DOCK2: variants seen among roughly 807,000 people sequenced by gnomAD.
The protein encoded by DOCK2 is dedicator of cytokinesis protein 2.
DOCK2 carries 87 observed loss-of-function variants against 248.9 expected under a neutral mutation model. That is an observed-to-expected ratio of 0.35 (90% CI 0.29 to 0.42). DOCK2 has a LOEUF of 0.42. Among genes scored for constraint, DOCK2 ranks in the 10% least tolerant of loss-of-function variants. The pLI is 1.00. For missense variants in DOCK2, 1,747 were observed against 2,300.2 expected (o/e 0.76, Z 4.92); for synonymous variants, 805 against 821.6 (o/e 0.98, Z 0.35).
intron 50 of DOCK2, 124 bp from the exon 51 acceptor site, chr5:170,081,718 G>A: frequency 1.8e-6 from 2 of 1,118,224 alleles, no homozygotes; most frequent in Non-Finnish European, 2.5e-6. Flanking sequence ...CTCCTGCTTG[G>A]CACATACAAT....
intron 36 of DOCK2, among the ~76,000 whole-genome samples, chr5:170,036,992 A>G (rs1317079409): frequency 2.0e-5 from 3 of 152,190 alleles, no homozygotes; most frequent in Admixed American, 6.5e-5. Context: ...CATTTAAATG[A>G]TATTATTTGA....
At chr5:169,934,569 C>G in intron 27 of DOCK2, 1 of 451,498 alleles carries the variant, frequency 2.2e-6, no homozygotes, top group Non-Finnish European at 4.5e-6. Flanking sequence ...ACACCTGGAT[C>G]TAAATCCTGC....
At position 169,929,895 on chromosome 5, in the gene DOCK2, C is replaced by T. The variant is rs539608868; in HGVS notation, c.2800-53173C>T. Reference sequence around the variant, plus strand: ...GTGCTCCAATATGGTAGCCACTAGCCACACATGCCTGTTAAACATATGCAT... The same window carrying T: ...GTGCTCCAATATGGTAGCCACTAGCTACACATGCCTGTTAAACATATGCAT... On this transcript the variant is annotated intron_variant, in intron 27 of 51. Coordinates refer to ENST00000520908, the MANE Select transcript of DOCK2 (RefSeq NM_004946.3). 2.0e-5 allele frequency among the ~76,000 whole-genome samples: 3 copies of T among 152,268 alleles called. No individual in the cohort carries two copies. The South Asian group carries it at 6.2e-4, about 32-fold the overall frequency.
intron 33 of DOCK2, among the ~76,000 whole-genome samples, chr5:170,023,643 G>T (rs918629074): frequency 6.6e-6 from 1 of 152,092 alleles, no homozygotes; most frequent in Non-Finnish European, 1.5e-5. Flanking sequence ...AGAAAGCCGC[G>T]CTGACTTCCA....
At chr5:169,690,343 G>T (rs1760221924) in intron 9 of DOCK2, among the ~76,000 whole-genome samples, 1 of 152,096 alleles carries the variant, frequency 6.6e-6, no homozygotes. Context: ...GGAGGGATTT[G>T]GGCATTGACC....
intron 33 of DOCK2, among the ~76,000 whole-genome samples, chr5:170,019,344 T>C (rs1375091193): frequency 6.6e-6 from 1 of 152,210 alleles, no homozygotes; most frequent in Non-Finnish European, 1.5e-5. Flanking sequence ...TTGCTTAGCC[T>C]CTTTCTCAAG....
chr5:169,851,846 C>G (rs1770631077), intron 27 of DOCK2, among the ~76,000 whole-genome samples: 1 of 152,148 alleles, frequency 6.6e-6, no homozygotes, highest in African/African-American at 2.4e-5. Context: ...AGCATGAGAA[C>G]AGCCTGGGGA....
At chr5:169,817,357 AG>A (rs1768128601) in intron 26 of DOCK2, among the ~76,000 whole-genome samples, 1 of 152,224 alleles carries the variant, frequency 6.6e-6, no homozygotes. Flanking sequence ...TCTATCCAAC[AG>A]CTCACTAAAC....
rs189428395 is a variant in DOCK2 at position 169,927,073 on chromosome 5, A to G, written c.2800-55995A>G. The stretch of plus-strand genomic sequence containing the variant: ...GCCAGACCAATATGGTATATTCTTC[A>G]TAAATATGCTACATGAAGAGTGGGA... On this transcript the variant is annotated intron_variant, in intron 27 of 51. Coordinates refer to ENST00000520908, the MANE Select transcript of DOCK2 (RefSeq NM_004946.3). Among the ~76,000 whole-genome samples the G allele has an allele frequency of 3.4e-3, 511 of 152,364 alleles. 1 individual carries two copies. Among genetic ancestry groups the G allele is most frequent in the Middle Eastern group, 0.01 (3 of 294 alleles).
At chr5:169,993,364 C>T (rs1778258028) in intron 29 of DOCK2, among the ~76,000 whole-genome samples, 1 of 152,198 alleles carries the variant, frequency 6.6e-6, no homozygotes, top group Admixed American at 6.5e-5. Flanking sequence ...GCCCTGTTGT[C>T]TGGCTCTTGC....
Position 169,714,084 on chromosome 5 carries a change from A to T in DOCK2, c.1716A>T (p.Arg572=), listed in dbSNP as rs760775098. Residue 572 remains arginine (R), a synonymous_variant, in exon 18 of 52, where the codon CGA becomes CGT. Transcript: ENST00000520908. ...CATACCTGACCCTTCCTTCTTATCG[A>T]CACCATGTGGAAAACAAGGGGGCCA... is the stretch of plus-strand genomic sequence containing the variant. ...ASAYLTLPSY[R]HHVENKGATL... 8 of 1,613,568 alleles carry T rather than the reference A, an allele frequency of 5.0e-6. No homozygotes were observed. In the South Asian group the frequency reaches 8.8e-5, roughly 18 times the overall value.
chr5:169,698,564 C>T (rs910644335), intron 11 of DOCK2, 115 bp downstream of exon 11: 54 of 1,111,030 alleles, frequency 4.9e-5, no homozygotes, highest in Non-Finnish European at 4.9e-5. Flanking sequence ...GTGGAGCCTC[C>T]CAAGGGAAGC....
chr5:169,910,879 A>AG (rs1330893436), intron 27 of DOCK2, among the ~76,000 whole-genome samples: 1 of 152,182 alleles, frequency 6.6e-6, no homozygotes, highest in African/African-American at 2.4e-5. Flanking sequence ...TTTCTCCTGC[A>AG]GGGGGTTGGT....
chr5:169,877,570 G>A (rs913462234), intron 27 of DOCK2, among the ~76,000 whole-genome samples: 36 of 152,168 alleles, frequency 2.4e-4, no homozygotes, highest in Non-Finnish European at 4.1e-4. Flanking sequence ...ATTTTGTGGT[G>A]AAATAGGTGT....
At chr5:169,673,764 A>G (rs1358357749) in intron 5 of DOCK2, among the ~76,000 whole-genome samples, 3 of 152,202 alleles carry the variant, frequency 2.0e-5, no homozygotes, top group African/African-American at 4.8e-5. Flanking sequence ...ATGAAACTGC[A>G]ACTTTCTCTT....
chr5:169,663,957 C>T (rs1478257505), intron 2 of DOCK2, among the ~76,000 whole-genome samples: 2 of 152,220 alleles, frequency 1.3e-5, no homozygotes, highest in Non-Finnish European at 2.9e-5. Flanking sequence ...TTCTTTTCTA[C>T]CACATGGTCA....
intron 1 of DOCK2, among the ~76,000 whole-genome samples, chr5:169,639,745 G>A (rs1757046136): frequency 6.6e-6 from 1 of 152,218 alleles, no homozygotes; most frequent in Non-Finnish European, 1.5e-5. Flanking sequence ...AGCTGCAAGG[G>A]AAGCTAGGAA....
intron 22 of DOCK2, among the ~76,000 whole-genome samples, chr5:169,743,569 A>G (rs1455786085): frequency 3.3e-5 from 5 of 152,226 alleles, no homozygotes; most frequent in Non-Finnish European, 2.9e-5. Context: ...TTTCACCTCA[A>G]AATAACCATT....
At chr5:169,767,112 T>C (rs1437473468) in intron 25 of DOCK2, among the ~76,000 whole-genome samples, 1 of 152,240 alleles carries the variant, frequency 6.6e-6, no homozygotes, top group Non-Finnish European at 1.5e-5. Context: ...TATCTCACTG[T>C]GGTTTTGATT....
Sources: gnomAD v4.1 joint callset for allele counts (sites outside exome capture counted in the v4.1 genomes callset) on GRCh38, gnomAD v4.1.1 for gene constraint, MANE v1.5 for transcripts, NCBI Gene and HGNC (gene_info 2026-07-23, HGNC 2026-07-21) for gene names.